Variants in CNTNAP5 observed in about 807,000 individuals in gnomAD.
The protein encoded by CNTNAP5 is contactin-associated protein-like 5.
Under a neutral mutation model 150.2 loss-of-function variants are expected in CNTNAP5, and 72 were observed. That is an observed-to-expected ratio of 0.48 (90% confidence interval 0.40 to 0.58). CNTNAP5 has a LOEUF of 0.58. CNTNAP5 is among the 20% of genes least tolerant of loss of function. CNTNAP5 has a pLI of 0.00. For synonymous variants in CNTNAP5, 672 were observed against 619.8 expected (o/e 1.08, Z -1.25); for missense variants, 1,636 against 1,626.2 (o/e 1.01, Z -0.10).
intron 13 of CNTNAP5, among the ~76,000 whole-genome samples, chr2:124,661,247 A>T (rs1678584418): frequency 6.6e-6 from 1 of 152,178 alleles, no homozygotes; most frequent in Non-Finnish European, 1.5e-5. Flanking sequence ...CTTTTATAAT[A>T]ACACAACTGA....
intron 1 of CNTNAP5, among the ~76,000 whole-genome samples, chr2:124,099,276 G>A (rs1231555246): frequency 2.6e-5 from 4 of 152,158 alleles, no homozygotes; most frequent in Admixed American, 2.0e-4. Flanking sequence ...GGAAGACTCC[G>A]CATAGCACAC....
chr2:124,379,908 G>T (rs1482603141), intron 3 of CNTNAP5, among the ~76,000 whole-genome samples: 2 of 152,104 alleles, frequency 1.3e-5, no homozygotes, highest in Non-Finnish European at 2.9e-5. Flanking sequence ...TAGACCCATT[G>T]TTCCTGATAC....
chr2:124,681,189 C>A (rs929029291), intron 13 of CNTNAP5, among the ~76,000 whole-genome samples: 1 of 149,394 alleles, frequency 6.7e-6, no homozygotes, highest in Non-Finnish European at 1.5e-5. Context: ...CTAATCCCAG[C>A]CACTCAGGAT....
intron 19 of CNTNAP5, among the ~76,000 whole-genome samples, chr2:124,803,041 G>C (rs930634981): frequency 6.6e-6 from 1 of 151,794 alleles, no homozygotes; most frequent in African/African-American, 2.4e-5. Context: ...TGTGAACCCG[G>C]GAGGTGGAGC....
intron 13 of CNTNAP5, among the ~76,000 whole-genome samples, chr2:124,742,044 C>T (rs1192022132): frequency 6.6e-6 from 1 of 152,062 alleles, no homozygotes; most frequent in African/African-American, 2.4e-5. Context: ...GTAAAACACA[C>T]CTAGAAATTT....
At chr2:124,076,907 A>G (rs1250809163) in intron 1 of CNTNAP5, among the ~76,000 whole-genome samples, 5 of 152,050 alleles carry the variant, frequency 3.3e-5, no homozygotes, top group Admixed American at 6.5e-5. Flanking sequence ...CTCCCTATAA[A>G]AAACAGCTCC....
At chr2:124,823,903 C>T (rs1216726174) in intron 19 of CNTNAP5, among the ~76,000 whole-genome samples, 2 of 151,410 alleles carry the variant, frequency 1.3e-5, no homozygotes, top group African/African-American at 2.4e-5. Context: ...CCATGAGTGA[C>T]AGTTCTGATT....
chr2:124,655,219 C>T (rs1678416390), intron 13 of CNTNAP5, among the ~76,000 whole-genome samples: 2 of 152,016 alleles, frequency 1.3e-5, no homozygotes. Context: ...TGTTCAATTC[C>T]CACTTATGAG....
chr2:124,168,041 A>G (rs1684847159), intron 1 of CNTNAP5, among the ~76,000 whole-genome samples: 1 of 152,210 alleles, frequency 6.6e-6, no homozygotes, highest in African/African-American at 2.4e-5. Flanking sequence ...TAAAAGAGGA[A>G]GAAGGGCACA....
At chr2:124,040,963 C>A (rs1681356027) in intron 1 of CNTNAP5, among the ~76,000 whole-genome samples, 1 of 152,058 alleles carries the variant, frequency 6.6e-6, no homozygotes, top group Non-Finnish European at 1.5e-5. Context: ...TTGGTTTTGT[C>A]CTTTACAAAC....
At chr2:124,739,284 T>A (rs888336890) in intron 13 of CNTNAP5, among the ~76,000 whole-genome samples, 2 of 152,172 alleles carry the variant, frequency 1.3e-5, no homozygotes, top group African/African-American at 2.4e-5. Flanking sequence ...TTAACGATCT[T>A]GACCAGCAAG....
intron 17 of CNTNAP5, among the ~76,000 whole-genome samples, chr2:124,787,006 T>C (rs917083225): frequency 6.6e-6 from 1 of 152,178 alleles, no homozygotes; most frequent in Admixed American, 6.5e-5. Context: ...TCCCCCAGAT[T>C]TGTGTCACTA....
intron 1 of CNTNAP5, among the ~76,000 whole-genome samples, chr2:124,122,875 G>A (rs1053553605): frequency 6.6e-6 from 1 of 151,402 alleles, no homozygotes; most frequent in Non-Finnish European, 1.5e-5. Context: ...GCCCCTTCAA[G>A]GTCTAGTGAT....
intron 13 of CNTNAP5, among the ~76,000 whole-genome samples, chr2:124,648,652 A>C (rs766542295): frequency 2.6e-5 from 4 of 152,236 alleles, no homozygotes; most frequent in Non-Finnish European, 4.4e-5. Flanking sequence ...AAACAAAACA[A>C]AACACAACAA....
intron 13 of CNTNAP5, among the ~76,000 whole-genome samples, chr2:124,672,514 A>G (rs934512852): frequency 6.6e-6 from 1 of 152,244 alleles, no homozygotes; most frequent in Non-Finnish European, 1.5e-5. Flanking sequence ...CTACCTTGAC[A>G]GCATGTGCCT....
chr2:124,512,262 GTGTAC>G (rs1265433411), intron 8 of CNTNAP5, among the ~76,000 whole-genome samples: 7 of 152,066 alleles, frequency 4.6e-5, no homozygotes, highest in East Asian at 2.0e-4. Flanking sequence ...TAGATGCACA[GTGTAC>G]TGCCCTGATG....
At chr2:124,315,183 A>T (rs1573910624) in intron 3 of CNTNAP5, among the ~76,000 whole-genome samples, 1 of 151,954 alleles carries the variant, frequency 6.6e-6, no homozygotes, top group African/African-American at 2.4e-5. Context: ...CTGGTTCTGA[A>T]CTCCTAGCCT....
At chr2:124,687,102 C>T (rs754891397) in intron 13 of CNTNAP5, among the ~76,000 whole-genome samples, 3 of 152,074 alleles carry the variant, frequency 2.0e-5, no homozygotes, top group Admixed American at 2.0e-4. Flanking sequence ...CTAGGTTTGG[C>T]GTGTGATTAG....
chr2:124,749,017 T>C (rs1421631065), intron 14 of CNTNAP5, among the ~76,000 whole-genome samples: 4 of 152,118 alleles, frequency 2.6e-5, no homozygotes, highest in African/African-American at 7.2e-5. Context: ...CTTTAAACAT[T>C]ATACCTCTCA....
Sources: gnomAD v4.1 joint callset for allele counts (sites outside exome capture counted in the v4.1 genomes callset) on GRCh38, gnomAD v4.1.1 for gene constraint, MANE v1.5 for transcripts, NCBI Gene and HGNC (gene_info 2026-07-23, HGNC 2026-07-21) for gene names.